The following FRMD4A variants were observed in gnomAD, a reference collection of about 807,000 sequenced individuals.
FRMD4A encodes FERM domain containing 4A, also known as FERM domain-containing protein 4A.
A neutral mutation model predicts 129.1 loss-of-function variants in FRMD4A; 29 were observed. The ratio of observed to expected loss-of-function variants is 0.22; its 90% confidence interval spans 0.17 to 0.31. FRMD4A has a LOEUF of 0.31. Ranked by LOEUF, FRMD4A falls within the 10% of genes least tolerant of loss-of-function variation. The pLI is 1.00. For missense variants in FRMD4A, 1,272 were observed against 1,375.8 expected, an observed-to-expected ratio of 0.92 and a Z score of 1.19; for synonymous variants, 634 against 571.6, an observed-to-expected ratio of 1.11 and a Z score of -1.56.
At chr10:13,979,945 A>G (rs1053467811) in intron 2 of FRMD4A, among the ~76,000 whole-genome samples, 15 of 152,162 alleles carry the variant, frequency 9.9e-5, no homozygotes, top group African/African-American at 3.6e-4. Context: ...TTGGCTTCTC[A>G]AGAGCGGGTC....
At chr10:14,081,852 A>G (rs979419576) in intron 2 of FRMD4A, among the ~76,000 whole-genome samples, 1 of 152,228 alleles carries the variant, frequency 6.6e-6, no homozygotes, top group African/African-American at 2.4e-5. Flanking sequence ...TCCAAAGACC[A>G]TAGGCCTACA....
At chr10:14,291,765 A>T (rs1172165024) in intron 2 of FRMD4A, among the ~76,000 whole-genome samples, 3 of 151,950 alleles carry the variant, frequency 2.0e-5, no homozygotes, top group African/African-American at 7.2e-5. Context: ...AATTCCCACC[A>T]TTACTACTCC....
intron 13 of FRMD4A, among the ~76,000 whole-genome samples, chr10:13,705,187 C>A (rs151303578): frequency 6.6e-6 from 1 of 152,304 alleles, no homozygotes; most frequent in Non-Finnish European, 1.5e-5. Context: ...GACAAGGACA[C>A]AGAAGCTTCG....
rs1049584852 is a variant in FRMD4A at position 13,963,602 on chromosome 10, G to A, written c.46-104690C>T. ...TTTATTAGGAGAATGGATCATTGAT[G>A]TCACTATAACTAATCATGTGGACAG... On this transcript the variant is annotated intron_variant, in intron 2 of 24. Transcript: ENST00000357447. Among the ~76,000 whole-genome samples the A allele has an allele frequency of 2.0e-5, 3 of 152,174 alleles. No homozygotes were observed. The East Asian group carries it at 5.8e-4, about 29-fold the overall frequency.
chr10:13,789,481 G>C (rs748781046), intron 5 of FRMD4A, among the ~76,000 whole-genome samples: 1 of 151,248 alleles, frequency 6.6e-6, no homozygotes, highest in African/African-American at 2.4e-5. Context: ...AGGACACTTG[G>C]TAGAAGAAAA....
chr10:13,940,482 A>C (rs773701124), intron 2 of FRMD4A, among the ~76,000 whole-genome samples: 2 of 152,180 alleles, frequency 1.3e-5, no homozygotes, highest in African/African-American at 4.8e-5. Flanking sequence ...GATGCCATAC[A>C]TGTTATTTCT....
intron 2 of FRMD4A, among the ~76,000 whole-genome samples, chr10:13,964,404 T>G (rs1490174263): frequency 6.6e-6 from 1 of 151,286 alleles, no homozygotes. Flanking sequence ...ATTCAGATTG[T>G]TGGTCTTATT....
rs536332509 is a variant in FRMD4A at position 14,224,258 on chromosome 10, G to T, written c.45+105800C>A. Among the ~76,000 whole-genome samples the T allele has an allele frequency of 1.4e-4, 21 of 152,326 alleles. No individual in the cohort carries two copies. In the East Asian group the frequency reaches 3.7e-3, roughly 27 times the overall value. On this transcript the variant is annotated intron_variant, in intron 2 of 24. Coordinates refer to ENST00000357447, the MANE Select transcript of FRMD4A (RefSeq NM_018027.5). ...CAAGGTCCTCATTTCTAAAAGTGTT[G>T]CAGACACCTGCAGCTCTGCCTCTGT...
At chr10:14,004,662 T>C (rs949783661) in intron 2 of FRMD4A, among the ~76,000 whole-genome samples, 2 of 152,242 alleles carry the variant, frequency 1.3e-5, no homozygotes, top group Admixed American at 1.3e-4. Context: ...CCAGGTATTG[T>C]GTTACGTCCT....
At chr10:13,761,576 G>T in intron 8 of FRMD4A, 71 bp downstream of exon 8, 2 of 1,024,938 alleles carry the variant, frequency 2.0e-6, no homozygotes, top group African/African-American at 1.6e-5. Context: ...AGGACATCCT[G>T]ATTAGTTTCT....
chr10:14,002,200 G>A (rs1238880409), intron 2 of FRMD4A, among the ~76,000 whole-genome samples: 2 of 152,076 alleles, frequency 1.3e-5, no homozygotes, highest in African/African-American at 2.4e-5. Context: ...TAAAGTATTG[G>A]AATAATTGTG....
At chr10:14,016,409 T>C (rs907712776) in intron 2 of FRMD4A, among the ~76,000 whole-genome samples, 2 of 152,238 alleles carry the variant, frequency 1.3e-5, no homozygotes, top group Non-Finnish European at 2.9e-5. Context: ...TCTTCCAGTC[T>C]CAATTCTGCA....
chr10:13,782,590 T>C (rs543641069), intron 6 of FRMD4A, among the ~76,000 whole-genome samples: 4 of 151,988 alleles, frequency 2.6e-5, no homozygotes, highest in South Asian at 2.1e-4. Context: ...ACTACAGGCA[T>C]GTGCCACCAT....
intron 2 of FRMD4A, among the ~76,000 whole-genome samples, chr10:14,110,072 T>C (rs970091181): frequency 1.0e-4 from 14 of 137,036 alleles, no homozygotes; most frequent in Non-Finnish European, 1.7e-4. Context: ...AAGGCTGCAG[T>C]GAGCTGAGAT....
In FRMD4A at chr10:13,901,806, C is replaced by T. The variant is rs983445082; in HGVS notation, c.46-42894G>A. 3.9e-5 allele frequency among the ~76,000 whole-genome samples: 6 copies of T among 152,082 alleles called. No homozygotes were observed. The East Asian group carries it at 9.6e-4, about 24-fold the overall frequency. ...ACCTCCCAGCCCCAGGGAGAACAGG[C>T]GAGTGAGCTTCTCAGAGCGGGGACA... On this transcript the variant is annotated intron_variant, in intron 2 of 24. Transcript: ENST00000357447.
At chr10:13,696,572 T>C (rs1259289926) in intron 14 of FRMD4A, among the ~76,000 whole-genome samples, 4 of 152,150 alleles carry the variant, frequency 2.6e-5, no homozygotes, top group East Asian at 1.9e-4. Context: ...GGCAAAACCC[T>C]GTCTCTACTA....
At chr10:13,774,694 T>A (rs562798535) in intron 6 of FRMD4A, among the ~76,000 whole-genome samples, 5 of 152,238 alleles carry the variant, frequency 3.3e-5, no homozygotes, top group Admixed American at 1.3e-4. Flanking sequence ...TGGGGGACCA[T>A]CCCACCCTGA....
intron 2 of FRMD4A, among the ~76,000 whole-genome samples, chr10:14,039,771 T>A (rs1484848872): frequency 1.3e-5 from 2 of 152,016 alleles, no homozygotes; most frequent in African/African-American, 4.8e-5. Flanking sequence ...TGAACCAATG[T>A]GCATCTTACA....
At chr10:14,110,088 C>A (rs2131792285) in intron 2 of FRMD4A, among the ~76,000 whole-genome samples, 1 of 133,242 alleles carries the variant, frequency 7.5e-6, no homozygotes, top group African/African-American at 2.9e-5. Context: ...GAGATTGCGC[C>A]ACTATATTCC....
Sources: gnomAD v4.1 joint callset for allele counts (sites outside exome capture counted in the v4.1 genomes callset) on GRCh38, gnomAD v4.1.1 for gene constraint, MANE v1.5 for transcripts, NCBI Gene and HGNC (gene_info 2026-07-23, HGNC 2026-07-21) for gene names.